Variants in MCUB observed in about 807,000 individuals in gnomAD.
MCUB encodes calcium uniporter regulatory subunit MCUb, mitochondrial.
MCUB carries 46 observed loss-of-function variants against 41.4 expected under a neutral mutation model. The observed-to-expected ratio is 1.11, with a 90% CI of 0.88 to 1.42. The LOEUF (loss-of-function observed/expected upper bound fraction) is 1.42. Among genes scored for constraint, MCUB ranks in the 40% most tolerant of loss-of-function variants. The pLI is 0.00. For missense variants in MCUB, 403 were observed against 404.9 expected (o/e 1.00, Z 0.04); for synonymous variants, 148 against 148.2 (o/e 1.00, Z 0.01).
At position 109,574,502 on chromosome 4, in the gene MCUB, T is replaced by C. The variant is rs375008700; in HGVS notation, c.99+14066T>C. On this transcript the variant is annotated intron_variant, in intron 1 of 7. Coordinates refer to ENST00000394650, the MANE Select transcript of MCUB (RefSeq NM_017918.5). The stretch of plus-strand genomic sequence containing the variant: ...TCTATATCTATGCAATAGGAGCCTG[T>C]GAAGTGAACACACCCGAACCAGGAA... 2.4e-3 allele frequency among the ~76,000 whole-genome samples: 369 copies of C among 152,266 alleles called. 1 individual carries two copies. The highest frequency in any genetic ancestry group is 8.3e-3 in the African/African-American group (345 of 41,554).
intron 1 of MCUB, among the ~76,000 whole-genome samples, chr4:109,638,026 T>G (rs11947977): frequency 1.3e-5 from 2 of 152,184 alleles, no homozygotes; most frequent in Non-Finnish European, 2.9e-5. Flanking sequence ...CAACATTTTT[T>G]GTTTGTTTTG....
intron 4 of MCUB, among the ~76,000 whole-genome samples, chr4:109,679,895 G>C (rs1729678616): frequency 6.6e-6 from 1 of 152,090 alleles, no homozygotes; most frequent in African/African-American, 2.4e-5. Context: ...TCTGCCTTCT[G>C]GGTTCAAGCA....
chr4:109,642,163 A>C (rs530381118), intron 1 of MCUB, among the ~76,000 whole-genome samples: 3 of 152,208 alleles, frequency 2.0e-5, no homozygotes, highest in African/African-American at 7.2e-5. Context: ...TTATCTTTTC[A>C]AGGGGATAGT....
At chr4:109,601,151 G>A (rs535144037) in intron 1 of MCUB, among the ~76,000 whole-genome samples, 291 of 152,218 alleles carry the variant, frequency 1.9e-3, no homozygotes, top group African/African-American at 6.4e-3. Flanking sequence ...AATAGTAGGT[G>A]TATATATTTA....
At chr4:109,644,901 T>C (rs1485397604) in intron 1 of MCUB, among the ~76,000 whole-genome samples, 1 of 152,214 alleles carries the variant, frequency 6.6e-6, no homozygotes, top group Non-Finnish European at 1.5e-5. Flanking sequence ...TTTTTTTTCA[T>C]GTTGCTTTTC....
At chr4:109,602,974 T>A (rs944607710) in intron 1 of MCUB, among the ~76,000 whole-genome samples, 2 of 152,264 alleles carry the variant, frequency 1.3e-5, no homozygotes, top group Non-Finnish European at 2.9e-5. Flanking sequence ...ATTACTTTTT[T>A]ATTTTTTCAG....
At chr4:109,643,121 C>A (rs1409126514) in intron 1 of MCUB, among the ~76,000 whole-genome samples, 3 of 151,620 alleles carry the variant, frequency 2.0e-5, no homozygotes, top group South Asian at 2.1e-4. Flanking sequence ...ATACGGGAAA[C>A]AACTTACCAT....
At position 109,660,270 on chromosome 4, in the gene MCUB, T is replaced by C; in HGVS notation, c.251T>C (p.Phe84Ser). 6.2e-7 allele frequency: 1 copy of C among 1,603,382 alleles called. No homozygotes were observed. The highest frequency in any genetic ancestry group is 1.3e-5 in the African/African-American group (1 of 74,830). The change falls in exon 3 of 8, where the codon TTC becomes TCC. Residue 84 changes from phenylalanine (F) to serine (S), a missense_variant. Physicochemically the swap from Phe to Ser is radical, Grantham distance 155. Transcript: ENST00000394650. Reference protein sequence around the residue: ...TLPSRKERCQFVVKPMLSTVG... With the variant: ...TLPSRKERCQSVVKPMLSTVG... ...CCATCTAGAAAAGAACGTTGTCAAT[T>C]CGTAGTCAAACCAATGTTGTCAACA...
At chr4:109,564,524 T>A (rs1260831933) in intron 1 of MCUB, among the ~76,000 whole-genome samples, 1 of 152,182 alleles carries the variant, frequency 6.6e-6, no homozygotes, top group African/African-American at 2.4e-5. Flanking sequence ...TCCAAAAAAA[T>A]TATCTTCAAT....
chr4:109,597,642 C>G (rs1204204618), intron 1 of MCUB, among the ~76,000 whole-genome samples: 1 of 144,018 alleles, frequency 6.9e-6, no homozygotes, highest in Non-Finnish European at 1.5e-5. Context: ...GGGGCTGACT[C>G]CCCCACCTCC....
intron 1 of MCUB, among the ~76,000 whole-genome samples, chr4:109,601,503 G>A (rs973415155): frequency 2.0e-5 from 3 of 152,106 alleles, no homozygotes; most frequent in Non-Finnish European, 4.4e-5. Context: ...AAGTTTGTCT[G>A]TCTGTGCCTG....
At chr4:109,633,136 A>G (rs1164580426) in intron 1 of MCUB, among the ~76,000 whole-genome samples, 1 of 152,208 alleles carries the variant, frequency 6.6e-6, no homozygotes, top group African/African-American at 2.4e-5. Context: ...ATGTATGACT[A>G]TAAATTTATA....
chr4:109,681,204 C>G (rs1729708378), intron 4 of MCUB, among the ~76,000 whole-genome samples: 1 of 152,108 alleles, frequency 6.6e-6, no homozygotes, highest in South Asian at 2.1e-4. Flanking sequence ...TGGCTCTGAA[C>G]CTCAGCTGAT....
At chr4:109,666,892 A>G (rs1171088223) in intron 4 of MCUB, among the ~76,000 whole-genome samples, 1 of 152,160 alleles carries the variant, frequency 6.6e-6, no homozygotes, top group Non-Finnish European at 1.5e-5. Context: ...GATGGATTAC[A>G]TGAATTCATA....
intron 7 of MCUB, among the ~76,000 whole-genome samples, chr4:109,687,281 C>T (rs925139495): frequency 7.2e-5 from 11 of 152,104 alleles, no homozygotes; most frequent in African/African-American, 2.4e-4. Context: ...ATGACTTGCA[C>T]CAGGGAGGCA....
At position 109,563,879 on chromosome 4, in the gene MCUB, G is replaced by A. The variant is rs372222469; in HGVS notation, c.99+3443G>A. On this transcript the variant is annotated intron_variant, in intron 1 of 7. Transcript: ENST00000394650. ...TGGGATTACAGGCGTGAGCCACCGCGCCCAGCCCACAGCACTTCTTAAAAA... is the reference window on the plus strand; with the variant it reads ...TGGGATTACAGGCGTGAGCCACCGCACCCAGCCCACAGCACTTCTTAAAAA... Among the ~76,000 whole-genome samples, 52 of 152,074 alleles carry A rather than the reference G, an allele frequency of 3.4e-4. No individual in the cohort carries two copies. The South Asian group carries it at 8.3e-3, about 24-fold the overall frequency.
chr4:109,605,498 T>G (rs776568417), intron 1 of MCUB, among the ~76,000 whole-genome samples: 6 of 152,220 alleles, frequency 3.9e-5, no homozygotes, highest in Non-Finnish European at 5.9e-5. Flanking sequence ...AGATTGTGTA[T>G]TCTATAGCCG....
intron 1 of MCUB, among the ~76,000 whole-genome samples, chr4:109,640,325 C>T (rs942705867): frequency 1.3e-5 from 2 of 152,182 alleles, no homozygotes; most frequent in African/African-American, 4.8e-5. Flanking sequence ...TGTATATGTG[C>T]AGGTCACAGG....
intron 1 of MCUB, among the ~76,000 whole-genome samples, chr4:109,641,107 A>G (rs919540239): frequency 6.6e-6 from 1 of 150,934 alleles, no homozygotes; most frequent in Non-Finnish European, 1.5e-5. Flanking sequence ...GAACACATAC[A>G]GTGTTTTTTT....
Sources: gnomAD v4.1 joint callset for allele counts (sites outside exome capture counted in the v4.1 genomes callset) on GRCh38, gnomAD v4.1.1 for gene constraint, MANE v1.5 for transcripts, NCBI Gene and HGNC (gene_info 2026-07-23, HGNC 2026-07-21) for gene names.